The following GNG7 variants were observed in gnomAD, a reference collection of about 807,000 sequenced individuals.
GNG7 encodes G protein subunit gamma 7.
In GNG7, 1 loss-of-function variant was observed where a neutral mutation model predicts 4.0. That is an observed-to-expected ratio of 0.25 (90% CI 0.09 to 1.18). The LOEUF (loss-of-function observed/expected upper bound fraction) is 1.18. Ranked by LOEUF, GNG7 falls within the 50% of genes most tolerant of loss-of-function variation. The pLI is 0.50. For synonymous variants in GNG7, 34 were observed against 36.9 expected (o/e 0.92, Z 0.29); for missense variants, 86 against 91.9 (o/e 0.94, Z 0.26).
intron 1 of GNG7, among the ~76,000 whole-genome samples, chr19:2,697,038 G>A (rs1280612353): frequency 2.0e-5 from 3 of 152,152 alleles, no homozygotes; most frequent in African/African-American, 2.4e-5. Flanking sequence ...ACAGGGTTTC[G>A]CCATGTTGGC....
At chr19:2,600,404 C>T (rs1981163423) in intron 2 of GNG7, among the ~76,000 whole-genome samples, 1 of 151,704 alleles carries the variant, frequency 6.6e-6, no homozygotes, top group African/African-American at 2.4e-5. Context: ...CGTCATGCAA[C>T]CTCTGAAAAC....
At chr19:2,690,147 C>T (rs1022684575) in intron 1 of GNG7, among the ~76,000 whole-genome samples, 2 of 151,906 alleles carry the variant, frequency 1.3e-5, no homozygotes, top group Admixed American at 6.6e-5. Context: ...TTTGGGAGGC[C>T]GAAGCGAAAG....
chr19:2,570,171 G>T (rs190849540), intron 2 of GNG7, among the ~76,000 whole-genome samples: 2 of 151,990 alleles, frequency 1.3e-5, no homozygotes, highest in East Asian at 3.9e-4. Flanking sequence ...CCTTTCTCTC[G>T]CTCCCTCTCT....
At chr19:2,575,748 CACACGCAG>C (rs1470399371) in intron 2 of GNG7, among the ~76,000 whole-genome samples, 188 of 124,620 alleles carry the variant, frequency 1.5e-3, no homozygotes, top group African/African-American at 3.2e-3. Flanking sequence ...CACACGCAGG[CACACGCAG>C]ACACGCAGGC....
At chr19:2,529,085 C>T (rs8102656) in intron 3 of GNG7, among the ~76,000 whole-genome samples, 37,608 of 152,182 alleles carry the variant, frequency 0.25, 5,012 homozygotes, top group South Asian at 0.32. Flanking sequence ...AGCCCCCCAC[C>T]GCCGGCCCTG....
intron 3 of GNG7, among the ~76,000 whole-genome samples, chr19:2,522,481 AAGGAAAGGACTGG>A (rs2144729708): frequency 1.4e-5 from 1 of 70,052 alleles, no homozygotes; most frequent in African/African-American, 5.1e-5. Flanking sequence ...TAGTGATAAG[AAGGAAAGGACTGG>A]CCGGGCGCGG....
Position 2,616,417 on chromosome 19 carries a change from G to T in GNG7, c.-78+29807C>A, listed in dbSNP as rs531265268. ...GTGCCACCGTGCCCAGCTAATTTTT[G>T]TATTTTTAGTAGAGATGAGGTTTTG... is the stretch of plus-strand genomic sequence containing the variant. On this transcript the variant is annotated intron_variant, in intron 2 of 4. Coordinates refer to ENST00000382159, the MANE Select transcript of GNG7 (RefSeq NM_052847.3). Among the ~76,000 whole-genome samples the T allele has an allele frequency of 3.6e-3, 547 of 150,912 alleles. 5 individuals are homozygous for T. The highest frequency in any genetic ancestry group is 0.013 in the African/African-American group (522 of 41,250).
chr19:2,660,922 G>A (rs1983127254), intron 1 of GNG7, among the ~76,000 whole-genome samples: 1 of 152,156 alleles, frequency 6.6e-6, no homozygotes, highest in Non-Finnish European at 1.5e-5. Context: ...GCAGAAATGG[G>A]CCCTCCAGGC....
chr19:2,551,589 G>GTATTTATAAATAT (rs1421883737), intron 3 of GNG7, among the ~76,000 whole-genome samples: 2 of 145,752 alleles, frequency 1.4e-5, no homozygotes, highest in African/African-American at 5.0e-5. Context: ...ATATAAATAT[G>GTATTTATAAATAT]CATTTATAAA....
chr19:2,541,673 C>T (rs868604800), intron 3 of GNG7, among the ~76,000 whole-genome samples: 156 of 143,310 alleles, frequency 1.1e-3, no homozygotes, highest in African/African-American at 3.8e-3. Context: ...ACCTGGGAGG[C>T]GGAGGTTGCA....
intron 3 of GNG7, among the ~76,000 whole-genome samples, chr19:2,539,213 T>G (rs1033194529): frequency 6.6e-6 from 1 of 152,128 alleles, no homozygotes; most frequent in African/African-American, 2.4e-5. Flanking sequence ...TTATCTTCTG[T>G]TTTTTCCTTG....
chr19:2,523,627 C>T (rs2144730671), intron 3 of GNG7, among the ~76,000 whole-genome samples: 1 of 152,246 alleles, frequency 6.6e-6, no homozygotes, highest in South Asian at 2.1e-4. Context: ...GAGCCTCACA[C>T]ACTCACACAC....
chr19:2,655,105 G>A (rs1039116595), intron 1 of GNG7, among the ~76,000 whole-genome samples: 4 of 151,382 alleles, frequency 2.6e-5, no homozygotes, highest in Admixed American at 6.6e-5. Flanking sequence ...TGGGAGGATT[G>A]CTGAGTCTGG....
At chr19:2,698,100 C>G (rs1913313339) in intron 1 of GNG7, among the ~76,000 whole-genome samples, 1 of 150,878 alleles carries the variant, frequency 6.6e-6, no homozygotes, top group Non-Finnish European at 1.5e-5. Context: ...AACTCCGTCT[C>G]TACTAAAAAT....
chr19:2,551,352 C>A (rs958367398), intron 3 of GNG7, among the ~76,000 whole-genome samples: 2 of 152,092 alleles, frequency 1.3e-5, no homozygotes, highest in Non-Finnish European at 2.9e-5. Flanking sequence ...CCTCGGCCAT[C>A]GGCCAGGTTT....
At chr19:2,588,556 G>C (rs12609340) in intron 2 of GNG7, among the ~76,000 whole-genome samples, 34,207 of 152,144 alleles carry the variant, frequency 0.22, 5,384 homozygotes, top group East Asian at 0.53. Context: ...AGCTGGACGC[G>C]GGCCCCGTGG....
chr19:2,562,412 G>A (rs982075683), intron 2 of GNG7, among the ~76,000 whole-genome samples: 1 of 151,808 alleles, frequency 6.6e-6, no homozygotes, highest in Non-Finnish European at 1.5e-5. Context: ...GCCTCCCAAA[G>A]TGCCGGGATT....
intron 3 of GNG7, among the ~76,000 whole-genome samples, chr19:2,535,147 A>G (rs1239392283): frequency 6.6e-6 from 1 of 151,994 alleles, no homozygotes; most frequent in East Asian, 1.9e-4. Context: ...AGTATTTATA[A>G]TTTGATATTT....
chr19:2,626,301 G>A lies in GNG7; in HGVS notation c.-78+19923C>T, dbSNP rs1435696241. On this transcript the variant is annotated intron_variant, in intron 2 of 4. Coordinates refer to ENST00000382159, the MANE Select transcript of GNG7 (RefSeq NM_052847.3). This position sits in a 1 kb window ranked among gnomAD's most constrained non-coding sequence, Gnocchi z 5.0. ...CAGCGGCACCGTGGAAACCCACCGGGATCTCTGCCACCCACAGGAGGCTGG... is the reference window on the plus strand; with the variant it reads ...CAGCGGCACCGTGGAAACCCACCGGAATCTCTGCCACCCACAGGAGGCTGG... Among the ~76,000 whole-genome samples the A allele has an allele frequency of 2.6e-5, 4 of 152,260 alleles. No individual in the cohort carries two copies. In the East Asian group the frequency reaches 7.7e-4, roughly 29 times the overall value.
Sources: gnomAD v4.1 joint callset for allele counts (sites outside exome capture counted in the v4.1 genomes callset) on GRCh38, gnomAD v4.1.1 for gene constraint, Gnocchi (gnomAD v3.1) non-coding constraint, MANE v1.5 for transcripts, NCBI Gene and HGNC (gene_info 2026-07-23, HGNC 2026-07-21) for gene names.